Variants in KLHL42 observed in about 807,000 individuals in gnomAD.
The protein encoded by KLHL42 is kelch like family member 42.
Under a neutral mutation model 32.7 loss-of-function variants are expected in KLHL42, and 27 were observed. The ratio of observed to expected loss-of-function variants is 0.83; its 90% CI spans 0.61 to 1.14. The LOEUF (loss-of-function observed/expected upper bound fraction) is 1.14, where lower values mean the gene tolerates loss of function less well. Among genes scored for constraint, KLHL42 ranks in the 50% most tolerant of loss-of-function variants. The pLI, the probability that KLHL42 is intolerant of heterozygous loss-of-function variation, is 0.00. For missense variants in KLHL42, 491 were observed against 560.8 expected (o/e 0.88, Z 1.26); for synonymous variants, 267 against 248.2 (o/e 1.08, Z -0.71).
At position 27,798,193 on chromosome 12, in the gene KLHL42, A is replaced by G. The variant is rs2140824877; in HGVS notation, c.*27A>G. The G allele has an allele frequency of 1.3e-6, 1 of 750,940 alleles. No homozygotes were observed. Among genetic ancestry groups the G allele is most frequent in the Non-Finnish European group, 2.5e-6 (1 of 407,152 alleles). 46.5% of individuals were successfully genotyped at this position (750,940 alleles called of 1,614,324 possible). A position where few individuals can be genotyped will look rare whatever the true frequency, so the allele number is the denominator to read the frequency against. ...TGAATTGAATTGGTAGATGAAAAAA[A>G]CCTGGTTCAAGTTTTTTTTAAAATG... On this transcript the variant is annotated 3_prime_UTR_variant, in exon 3 of 3. Coordinates refer to ENST00000381271, the MANE Select transcript of KLHL42 (RefSeq NM_020782.2).
Position 27,798,086 on chromosome 12 carries a change from G to A in KLHL42, c.1438G>A (p.Glu480Lys). Residue 480 changes from glutamate to lysine, a missense_variant, in exon 3 of 3, where the codon GAA (glutamate) becomes AAA (lysine). Coordinates refer to ENST00000381271, the MANE Select transcript of KLHL42 (RefSeq NM_020782.2). ...LKYNIFSDSW[E>K]AFRRFPAFGH... ...GTACAACATCTTTTCAGATAGTTGG[G>A]AAGCATTTCGGCGTTTTCCAGCTTT... The A allele has an allele frequency of 2.6e-6, 2 of 781,024 alleles. No individual in the cohort carries two copies. The allele number at this position is 781,024 out of a possible 1,614,324, so 48.4% of individuals were successfully genotyped here.
In KLHL42 at chr12:27,800,107, G is replaced by A. The variant is rs2062237795; in HGVS notation, c.*1941G>A. The stretch of plus-strand genomic sequence containing the variant: ...AAGAGCTTAACTTTTTAAAGGCTTT[G>A]TCCTATACATTTAGAAGATGAGTCA... On this transcript the variant is annotated 3_prime_UTR_variant, in exon 3 of 3. Coordinates refer to ENST00000381271, the MANE Select transcript of KLHL42 (RefSeq NM_020782.2). The A allele has an allele frequency of 2.0e-6, 2 of 984,658 alleles. No individual in the cohort carries two copies. Among genetic ancestry groups the A allele is most frequent in the African/African-American group, 3.5e-5 (2 of 57,210 alleles). 61.0% of individuals were successfully genotyped at this position (984,658 alleles called of 1,614,324 possible).
At chr12:27,792,810 AC>A (rs1390909857) in intron 2 of KLHL42, among the ~76,000 whole-genome samples, 1 of 152,194 alleles carries the variant, frequency 6.6e-6, no homozygotes, top group Non-Finnish European at 1.5e-5. Flanking sequence ...GGTGTGAGCC[AC>A]CGTGCCCGGC....
At position 27,800,374 on chromosome 12, in the gene KLHL42, ATGTT is replaced by A. The variant is rs1293804225; in HGVS notation, c.*2211_*2214del. ...GGGGTGTGTGTGTGTGTGTGTGTGT[ATGTT>A]TGCATATTATAGCTCTCTTTAAGAC... On this transcript the variant is annotated 3_prime_UTR_variant, in exon 3 of 3. Transcript: ENST00000381271. The A allele has an allele frequency of 2.0e-6, 1 of 504,512 alleles. No individual in the cohort carries two copies. The highest frequency in any genetic ancestry group is 2.4e-6 in the Non-Finnish European group (1 of 408,470). 31.3% of individuals were successfully genotyped at this position (504,512 alleles called of 1,614,324 possible).
At chr12:27,794,930 CTT>C (rs1369841846) in intron 2 of KLHL42, among the ~76,000 whole-genome samples, 1 of 150,218 alleles carries the variant, frequency 6.7e-6, no homozygotes, top group Non-Finnish European at 1.5e-5. Flanking sequence ...AAAAAAGAAA[CTT>C]AGTAGTCATT....
chr12:27,792,655 C>T (rs770829018), intron 2 of KLHL42, among the ~76,000 whole-genome samples: 2 of 152,118 alleles, frequency 1.3e-5, no homozygotes, highest in Non-Finnish European at 2.9e-5. Context: ...CCCCAAGTAG[C>T]TGGGATTACA....
rs147489542 is a variant in KLHL42, at chr12:27,789,397, G to A, written c.873-2311G>A. Reference sequence around the variant, plus strand: ...TCTTTATTAAATGGTCTGTTTTTAGGTGGCAATTTCATCTTAAAACAAATT... The same window carrying A: ...TCTTTATTAAATGGTCTGTTTTTAGATGGCAATTTCATCTTAAAACAAATT... On this transcript the variant is annotated intron_variant, in intron 1 of 2. Coordinates refer to ENST00000381271, the MANE Select transcript of KLHL42 (RefSeq NM_020782.2). Among the ~76,000 whole-genome samples the A allele has an allele frequency of 1.2e-4, 19 of 152,240 alleles. No homozygotes were observed. In the East Asian group the frequency reaches 3.7e-3, roughly 29 times the overall value.
At chr12:27,794,278 C>T (rs901196187) in intron 2 of KLHL42, among the ~76,000 whole-genome samples, 2 of 152,144 alleles carry the variant, frequency 1.3e-5, no homozygotes, top group East Asian at 1.9e-4. Context: ...GTCCTCCTTG[C>T]TCCTTCTAGT....
intron 2 of KLHL42, among the ~76,000 whole-genome samples, chr12:27,794,909 A>G (rs2062212114): frequency 6.6e-6 from 1 of 150,954 alleles, no homozygotes; most frequent in East Asian, 1.9e-4. Context: ...TTTACATATA[A>G]TTGAAAAAAA....
At chr12:27,783,217 C>A (rs562312447) in intron 1 of KLHL42, among the ~76,000 whole-genome samples, 1 of 151,458 alleles carries the variant, frequency 6.6e-6, no homozygotes, top group Non-Finnish European at 1.5e-5. Context: ...GAAAATTAAG[C>A]GGAAGTGGAT....
chr12:27,800,534 T>G lies in KLHL42; in HGVS notation c.*2368T>G. 4.0e-6 allele frequency: 1 copy of G among 248,664 alleles called. No homozygotes were observed. The highest frequency in any genetic ancestry group is 6.4e-6 in the Non-Finnish European group (1 of 156,296). 15.4% of individuals were successfully genotyped at this position (248,664 alleles called of 1,614,324 possible). A position where few individuals can be genotyped will look rare whatever the true frequency, so the allele number is the denominator to read the frequency against. ...GCTGTGCACATCAGCTGTGATGACA[T>G]TTTGAGGGTAGTTTTAATTTAGCTC... On this transcript the variant is annotated 3_prime_UTR_variant, in exon 3 of 3. Coordinates refer to ENST00000381271, the MANE Select transcript of KLHL42 (RefSeq NM_020782.2).
rs2062244493 is a variant in KLHL42, at chr12:27,800,912, C to A, written c.*2746C>A. The A allele has an allele frequency of 6.6e-6, 1 of 152,108 alleles. No homozygotes were observed. The highest frequency in any genetic ancestry group is 1.5e-5 in the Non-Finnish European group (1 of 68,026). The allele number at this position is 152,108 out of a possible 1,614,324, so 9.4% of individuals were successfully genotyped here. On this transcript the variant is annotated 3_prime_UTR_variant, in exon 3 of 3. Coordinates refer to ENST00000381271, the MANE Select transcript of KLHL42 (RefSeq NM_020782.2). ...GGTGGCAGCCCCCCGACCAGAAGCA[C>A]CCTATTTTATAGATAGCAGTCTGAA...
intron 1 of KLHL42, among the ~76,000 whole-genome samples, chr12:27,781,543 T>G (rs564211210): frequency 6.6e-6 from 1 of 152,304 alleles, no homozygotes; most frequent in Non-Finnish European, 1.5e-5. Flanking sequence ...TTAAAAAATT[T>G]GTCTTAGTTT....
rs1160420201 is a variant in KLHL42, at chr12:27,801,716, A to C, written c.*3550A>C. On this transcript the variant is annotated 3_prime_UTR_variant, in exon 3 of 3. Transcript: ENST00000381271. ...ATTCCCAGTCCATCAGAGTGAAATG[A>C]AGGCTATTTGCCATCCCTGCCTTAG... 1 of 152,208 alleles carries C rather than the reference A, an allele frequency of 6.6e-6. No individual in the cohort carries two copies. The highest frequency in any genetic ancestry group is 2.4e-5 in the African/African-American group (1 of 41,442). The allele number at this position is 152,208 out of a possible 1,614,324, so 9.4% of individuals were successfully genotyped here. A position where few individuals can be genotyped will look rare whatever the true frequency, so the allele number is the denominator to read the frequency against.
At position 27,798,096 on chromosome 12, in the gene KLHL42, G is replaced by T. The variant is rs758218658; in HGVS notation, c.1448G>T (p.Arg483Leu). 1 of 780,966 alleles carries T rather than the reference G, an allele frequency of 1.3e-6. No homozygotes were observed. Among genetic ancestry groups the T allele is most frequent in the African/African-American group, 1.7e-5 (1 of 59,240 alleles). 48.4% of individuals were successfully genotyped at this position (780,966 alleles called of 1,614,324 possible). The change falls in exon 3 of 3, where the codon CGG becomes CTG. Residue 483 changes from arginine to leucine, a missense_variant. By Grantham distance (102) the Arg-to-Leu change is moderately radical. Coordinates refer to ENST00000381271, the MANE Select transcript of KLHL42 (RefSeq NM_020782.2). ...TTTTCAGATAGTTGGGAAGCATTTC[G>T]GCGTTTTCCAGCTTTTGGACATAAC... ...NIFSDSWEAF[R>L]RFPAFGHNLL... is the part of the protein sequence containing the mutation.
Position 27,780,420 on chromosome 12 carries a change from C to A in KLHL42, c.90C>A (p.Phe30Leu). The A allele has an allele frequency of 6.4e-7, 1 of 1,557,620 alleles. No homozygotes were observed. Among genetic ancestry groups the A allele is most frequent in the Non-Finnish European group, 8.7e-7 (1 of 1,153,024 alleles). Residue 30 changes from phenylalanine (F) to leucine (L), a missense_variant, in exon 1 of 3, where the codon TTC becomes TTA. Phe to Leu is a conservative substitution (Grantham distance 22, BLOSUM62 0). This residue lies in a region of KLHL42 where 88 missense variants were observed against 89.0 expected (regional missense o/e 0.99). Coordinates refer to ENST00000381271, the MANE Select transcript of KLHL42 (RefSeq NM_020782.2). The surrounding 1 kb of genome is among the most constrained non-coding windows in gnomAD (Gnocchi z 8.8). Reference protein sequence around the residue: ...KRKLIEQSDYFRALYRSGMRE... With the variant: ...KRKLIEQSDYLRALYRSGMRE... ...AGCTCATCGAGCAGAGCGACTACTT[C>A]CGCGCCCTCTACCGCTCCGGCATGC... is the stretch of plus-strand genomic sequence containing the variant.
In KLHL42 at chr12:27,780,594, CG is replaced by C; in HGVS notation, c.268del (p.Val90TrpfsTer10). 1 of 1,542,560 alleles carries C rather than the reference CG, an allele frequency of 6.5e-7. No individual in the cohort carries two copies. The highest frequency in any genetic ancestry group is 8.7e-7 in the Non-Finnish European group (1 of 1,147,372). On this transcript the variant is annotated frameshift_variant, in exon 1 of 3. Transcript: ENST00000381271. LOFTEE classifies it high-confidence loss of function. The surrounding 1 kb of genome is among the most constrained non-coding windows in gnomAD (Gnocchi z 8.8). ...TGGGCCCGCGCGGGGAAAAGGGCGG[CG>C]GGGTGGACGAGGACGAGGAGATGGA... ...LLGPRGEKGG[G>X]VDEDEEMDEV...
intron 2 of KLHL42, among the ~76,000 whole-genome samples, chr12:27,793,407 G>T (rs568574364): frequency 4.0e-5 from 6 of 151,844 alleles, no homozygotes; most frequent in African/African-American, 1.4e-4. Flanking sequence ...GCTGGTTGTG[G>T]TGGCATGTAC....
chr12:27,781,259 C>A (rs1319603565), intron 1 of KLHL42, 57 bp downstream of exon 1: 3 of 1,570,806 alleles, frequency 1.9e-6, no homozygotes, highest in African/African-American at 2.7e-5. Context: ...TTCATTAGTT[C>A]ATTACCCCAG....
Sources: gnomAD v4.1 joint callset for allele counts (sites outside exome capture counted in the v4.1 genomes callset) on GRCh38, gnomAD v4.1.1 for gene constraint, gnomAD v4.1.1 regional missense constraint, Gnocchi (gnomAD v3.1) non-coding constraint, MANE v1.5 for transcripts, NCBI Gene and HGNC (gene_info 2026-07-23, HGNC 2026-07-21) for gene names.